DOCK9: variants seen among roughly 807,000 people sequenced by gnomAD.
DOCK9 encodes dedicator of cytokinesis protein 9.
A neutral mutation model predicts 263.3 loss-of-function variants in DOCK9; 89 were observed. The observed-to-expected ratio is 0.34, with a 90% confidence interval of 0.28 to 0.40. The LOEUF is 0.40. Ranked by LOEUF, DOCK9 falls within the 10% of genes least tolerant of loss-of-function variation. The pLI, the probability that DOCK9 is intolerant of heterozygous loss-of-function variation, is 1.00. For synonymous variants in DOCK9, 976 were observed against 973.1 expected, an observed-to-expected ratio of 1.00 and a Z score of -0.06; for missense variants, 2,140 against 2,603.4, an observed-to-expected ratio of 0.82 and a Z score of 3.87.
At chr13:98,910,312 G>C (rs866955798) in intron 9 of DOCK9, among the ~76,000 whole-genome samples, 2 of 152,162 alleles carry the variant, frequency 1.3e-5, no homozygotes, top group African/African-American at 4.8e-5. Context: ...TTATAAGACT[G>C]ATGCTACACA....
At chr13:99,061,175 C>T (rs972583731) in intron 1 of DOCK9, among the ~76,000 whole-genome samples, 5 of 152,208 alleles carry the variant, frequency 3.3e-5, no homozygotes, top group African/African-American at 7.2e-5. Context: ...AAACAGTGAG[C>T]CCAAGCTGTT....
intron 2 of DOCK9, among the ~76,000 whole-genome samples, chr13:98,934,413 G>A (rs1567014553): frequency 6.6e-6 from 1 of 152,106 alleles, no homozygotes; most frequent in Non-Finnish European, 1.5e-5. Context: ...AACCATCTTG[G>A]ACATTCCAGT....
intron 40 of DOCK9, 52 bp from the exon 41 acceptor site, chr13:98,831,582 G>A (rs1267828256): frequency 5.1e-5 from 82 of 1,592,580 alleles, no homozygotes; most frequent in South Asian, 1.7e-4. Context: ...GTCAGTGCTC[G>A]GTAATGTACC....
At chr13:98,948,311 A>G (rs957347406) in intron 2 of DOCK9, among the ~76,000 whole-genome samples, 1 of 152,220 alleles carries the variant, frequency 6.6e-6, no homozygotes, top group Non-Finnish European at 1.5e-5. Flanking sequence ...TAAAATTTCT[A>G]GGATTGTCAA....
At position 98,829,763 on chromosome 13, in the gene DOCK9, G is replaced by T; in HGVS notation, c.4636-7C>A. 1 of 1,595,784 alleles carries T rather than the reference G, an allele frequency of 6.3e-7. No homozygotes were observed. The highest frequency in any genetic ancestry group is 8.5e-7 in the Non-Finnish European group (1 of 1,169,910). ...GGCTGACAGATATGATGACCTTAGGGACACACAAACATGAGCAAATCAATT... is the reference window on the plus strand; with the variant it reads ...GGCTGACAGATATGATGACCTTAGGTACACACAAACATGAGCAAATCAATT... On this transcript the variant is annotated splice_region_variant and splice_polypyrimidine_tract_variant and intron_variant, in intron 41 of 52. Transcript: ENST00000682017. This position sits in a 1 kb window ranked among gnomAD's most constrained non-coding sequence, Gnocchi z 4.1.
At chr13:98,842,668 T>G (rs542359471) in intron 38 of DOCK9, among the ~76,000 whole-genome samples, 1 of 152,362 alleles carries the variant, frequency 6.6e-6, no homozygotes, top group African/African-American at 2.4e-5. Context: ...CACATATGCA[T>G]GTTCATGTAC....
intron 1 of DOCK9, among the ~76,000 whole-genome samples, chr13:99,026,796 G>A (rs529782836): frequency 1.3e-5 from 2 of 152,214 alleles, no homozygotes; most frequent in East Asian, 1.9e-4. Flanking sequence ...TTTAAAAATC[G>A]GCTCTATTGA....
intron 1 of DOCK9, among the ~76,000 whole-genome samples, chr13:98,964,852 A>G (rs2059036224): frequency 6.6e-6 from 1 of 152,162 alleles, no homozygotes; most frequent in Admixed American, 6.5e-5. Context: ...GGCCTCCCAG[A>G]TGGACGTGCT....
rs186436174 is a variant in DOCK9, at chr13:98,921,173, A to G, written c.583-85T>C. The G allele has an allele frequency of 4.5e-3, 6,205 of 1,372,598 alleles. 17 individuals are homozygous for G. The highest frequency in any genetic ancestry group is 5.0e-3 in the South Asian group (351 of 70,364). 85.0% of individuals were successfully genotyped at this position (1,372,598 alleles called of 1,614,324 possible). A position where few individuals can be genotyped will look rare whatever the true frequency, so the allele number is the denominator to read the frequency against. On this transcript the variant is annotated intron_variant, in intron 6 of 52. Coordinates refer to ENST00000682017, the MANE Select transcript of DOCK9 (RefSeq NM_001366683.2). ...CAATAACCCACTTATGACTACATAC[A>G]TACATAAAACCTGTTTCCGTTCTCA...
At chr13:98,897,228 T>A (rs2047577716) in intron 15 of DOCK9, among the ~76,000 whole-genome samples, 1 of 152,148 alleles carries the variant, frequency 6.6e-6, no homozygotes, top group Admixed American at 6.5e-5. Context: ...AACTGTTTCC[T>A]CCCCACCATA....
At chr13:98,851,827 G>T (rs575296326) in intron 35 of DOCK9, among the ~76,000 whole-genome samples, 81 of 152,146 alleles carry the variant, frequency 5.3e-4, no homozygotes, top group African/African-American at 1.5e-3. Context: ...TGCTTTCAAA[G>T]AAAATATGAG....
Position 99,004,281 on chromosome 13 carries a change from C to T in DOCK9, c.130-48730G>A, listed in dbSNP as rs571784190. ...TAATTGGCAAACATCCAATGGATGTCTGAGAACTGAAGAAAATATGGGAGG... is the reference window on the plus strand; with the variant it reads ...TAATTGGCAAACATCCAATGGATGTTTGAGAACTGAAGAAAATATGGGAGG... On this transcript the variant is annotated intron_variant, in intron 1 of 32. Transcript: ENST00000427887. 9.9e-5 allele frequency among the ~76,000 whole-genome samples: 15 copies of T among 152,270 alleles called. No individual in the cohort carries two copies. In the South Asian group the frequency reaches 3.1e-3, roughly 32 times the overall value.
In DOCK9 at chr13:98,829,507, A is replaced by T; in HGVS notation, c.4765T>A (p.Ser1589Thr). 1.2e-6 allele frequency: 2 copies of T among 1,613,268 alleles called. No individual in the cohort carries two copies. The highest frequency in any genetic ancestry group is 1.7e-6 in the Non-Finnish European group (2 of 1,179,622). The change falls in exon 43 of 53, where the codon TCT (serine) becomes ACT (threonine). Residue 1589 changes from serine to threonine, a missense_variant. By Grantham distance (58) the Ser-to-Thr change is moderately conservative. Transcript: ENST00000682017. The surrounding 1 kb of genome is among the most constrained non-coding windows in gnomAD (Gnocchi z 4.1). ...CTTTTGGTTAAGTCCTTCACATCAG[A>T]GGAGAAGCTGGTGTGCTAAAACAAG... ...DRLIKHTSFSSDVKDLTKRIR... is the reference protein window; with the variant it reads ...DRLIKHTSFSTDVKDLTKRIR...
intron 1 of DOCK9, among the ~76,000 whole-genome samples, chr13:99,039,117 A>G (rs549806550): frequency 6.6e-6 from 1 of 152,378 alleles, no homozygotes; most frequent in African/African-American, 2.4e-5. Flanking sequence ...CATCTTTTAC[A>G]GATTAATTTT....
chr13:99,084,965 A>G (rs1349239377), intron 1 of DOCK9, among the ~76,000 whole-genome samples: 1 of 152,206 alleles, frequency 6.6e-6, no homozygotes, highest in East Asian at 1.9e-4. Context: ...ACTTCCCTAA[A>G]ATAGAAAAAT....
At chr13:98,878,839 C>T (rs1211188587) in intron 27 of DOCK9, among the ~76,000 whole-genome samples, 1 of 152,224 alleles carries the variant, frequency 6.6e-6, no homozygotes, top group Non-Finnish European at 1.5e-5. Flanking sequence ...CAAAATCTAG[C>T]AGGCTTTTCC....
intron 7 of DOCK9, among the ~76,000 whole-genome samples, chr13:98,918,152 C>A (rs772255922): frequency 5.9e-5 from 9 of 152,248 alleles, no homozygotes; most frequent in Non-Finnish European, 8.8e-5. Context: ...GCAGCCCTTT[C>A]TCTGTAGAAG....
At chr13:98,906,170 G>T (rs2049058142) in intron 9 of DOCK9, among the ~76,000 whole-genome samples, 1 of 152,184 alleles carries the variant, frequency 6.6e-6, no homozygotes, top group South Asian at 2.1e-4. Flanking sequence ...CAGCTAAAGG[G>T]ATGAAACTTA....
At position 99,077,535 on chromosome 13, in the gene DOCK9, TTTC is replaced by T. The variant is rs369881567; in HGVS notation, c.129+8685_129+8687del. On this transcript the variant is annotated intron_variant, in intron 1 of 32. Transcript: ENST00000427887. ...AGAACCATAAGCCAATTAAACCTCTTTTCTTTATAAATTACCCAATCTCAGGTA... is the reference window on the plus strand; with the variant it reads ...AGAACCATAAGCCAATTAAACCTCTTTTTATAAATTACCCAATCTCAGGTA... Among the ~76,000 whole-genome samples the T allele has an allele frequency of 3.8e-3, 583 of 152,282 alleles. 1 individual carries two copies. Among genetic ancestry groups the T allele is most frequent in the African/African-American group, 0.013 (540 of 41,542 alleles).
Sources: gnomAD v4.1 joint callset for allele counts (sites outside exome capture counted in the v4.1 genomes callset) on GRCh38, gnomAD v4.1.1 for gene constraint, Gnocchi (gnomAD v3.1) non-coding constraint, MANE v1.5 for transcripts, NCBI Gene and HGNC (gene_info 2026-07-23, HGNC 2026-07-21) for gene names.